Variants in BPIFB4 observed in about 807,000 individuals in gnomAD.
The protein encoded by BPIFB4 is BPI fold-containing family B member 4.
In BPIFB4, 62 loss-of-function variants were observed where a neutral mutation model predicts 69.2. The ratio of observed to expected loss-of-function variants is 0.90; its 90% confidence interval spans 0.73 to 1.11. The LOEUF is 1.11. Ranked by LOEUF, BPIFB4 falls within the 50% of genes least tolerant of loss-of-function variation. The pLI, the probability that BPIFB4 is intolerant of heterozygous loss-of-function variation, is 0.00. For missense variants in BPIFB4, 789 were observed against 792.0 expected, an observed-to-expected ratio of 1.00 and a Z score of 0.04; for synonymous variants, 330 against 332.7, an observed-to-expected ratio of 0.99 and a Z score of 0.09.
intron 7 of BPIFB4, 25 bp downstream of exon 7, chr20:33,086,189 G>A: frequency 6.3e-7 from 1 of 1,591,584 alleles, no homozygotes; most frequent in African/African-American, 1.3e-5. Context: ...GCAGTGGAGT[G>A]CCTTGGGGGT....
At chr20:33,091,933 G>A (rs1981611061) in intron 10 of BPIFB4, among the ~76,000 whole-genome samples, 1 of 152,212 alleles carries the variant, frequency 6.6e-6, no homozygotes, top group South Asian at 2.1e-4. Context: ...CTTGAGCTGA[G>A]AGCTGCCAGA....
intron 7 of BPIFB4, among the ~76,000 whole-genome samples, chr20:33,086,446 A>T (rs1000903859): frequency 3.3e-5 from 5 of 152,198 alleles, no homozygotes; most frequent in African/African-American, 1.2e-4. Context: ...TCCAGCTTTG[A>T]AAAGGTTTTG....
intron 14 of BPIFB4, 116 bp downstream of exon 14, chr20:33,100,609 G>C (rs1600561696): frequency 1.1e-6 from 1 of 916,588 alleles, no homozygotes. Flanking sequence ...AACCCAAGGG[G>C]CTGCAAAGGT....
At chr20:33,089,062 C>A in intron 8 of BPIFB4, 33 bp downstream of exon 8, 1 of 1,613,508 alleles carries the variant, frequency 6.2e-7, no homozygotes, top group Non-Finnish European at 8.5e-7. Context: ...GAGCAAGGGG[C>A]ACAGGCTTCC....
intron 5 of BPIFB4, 123 bp from the exon 6 acceptor site, chr20:33,084,769 T>G: frequency 6.9e-7 from 1 of 1,457,378 alleles, no homozygotes; most frequent in Non-Finnish European, 9.1e-7. Context: ...TGCAGGTGTC[T>G]AGTGTCTTTA....
intron 10 of BPIFB4, 67 bp downstream of exon 10, chr20:33,090,866 C>T: frequency 2.5e-6 from 4 of 1,585,028 alleles, no homozygotes; most frequent in Non-Finnish European, 3.4e-6. Context: ...ATCAGTGAGG[C>T]CCTCCCAGGG....
intron 6 of BPIFB4, 42 bp downstream of exon 6, chr20:33,085,038 G>T: frequency 6.3e-7 from 1 of 1,589,470 alleles, no homozygotes. Context: ...CCACCCTATG[G>T]CCCAACCTCT....
Position 33,106,381 on chromosome 20 carries a change from T to C in BPIFB4, c.1745-1363T>C, listed in dbSNP as rs1225169771. 2.0e-5 allele frequency among the ~76,000 whole-genome samples: 3 copies of C among 149,050 alleles called. No individual in the cohort carries two copies. The East Asian group carries it at 5.8e-4, about 29-fold the overall frequency. On this transcript the variant is annotated intron_variant, in intron 16 of 17. Transcript: ENST00000375483. ...GGGACACAGCTCTTTTCTTTCTTTT[T>C]TTTTTTTTTGAGATGGAGTCTCACT...
chr20:33,097,720 TG>T lies in BPIFB4; in HGVS notation c.1504del (p.Ala502ProfsTer38). 2 of 1,614,158 alleles carry T rather than the reference TG, an allele frequency of 1.2e-6. No homozygotes were observed. The highest frequency in any genetic ancestry group is 4.5e-5 in the East Asian group (2 of 44,878). ...LQKDKALVKV[L>X]ATAEVMVSQP... ...AAGGACAAAGCGCTGGTGAAGGTGT[TG>T]GCCACTGCCGAGGTCATGGTCTCCC... On this transcript the variant is annotated frameshift_variant, in exon 13 of 18. Transcript: ENST00000375483. LOFTEE classifies it high-confidence loss of function.
At chr20:33,093,970 C>A (rs1377252653) in intron 11 of BPIFB4, among the ~76,000 whole-genome samples, 1 of 152,214 alleles carries the variant, frequency 6.6e-6, no homozygotes, top group Admixed American at 6.5e-5. Context: ...GTCTGTCTAT[C>A]CATCTATCTT....
intron 7 of BPIFB4, among the ~76,000 whole-genome samples, chr20:33,086,435 T>A (rs1045460848): frequency 3.9e-5 from 6 of 152,216 alleles, no homozygotes; most frequent in African/African-American, 1.4e-4. Context: ...CACACATTCT[T>A]TCCAGCTTTG....
rs1294102477 is a variant in BPIFB4 at position 33,088,862 on chromosome 20, G to T, written c.927-104G>T. On this transcript the variant is annotated intron_variant, in intron 7 of 17. Coordinates refer to ENST00000375483, the MANE Select transcript of BPIFB4 (RefSeq NM_182519.3). ...TCGAACAGTTTTCCAGCACTCAGAG[G>T]TTCTCACTGTTCAGAGCCTGGACTA... is the stretch of plus-strand genomic sequence containing the variant. 1.0e-5 allele frequency: 16 copies of T among 1,574,004 alleles called. No individual in the cohort carries two copies. The Admixed American group carries it at 1.2e-4, about 12-fold the overall frequency.
chr20:33,100,631 A>C, intron 14 of BPIFB4, 138 bp downstream of exon 14: 2 of 696,130 alleles, frequency 2.9e-6, no homozygotes, highest in Non-Finnish European at 4.7e-6. Flanking sequence ...ACGATGGCTC[A>C]TGCCTACCAT....
At position 33,111,716 on chromosome 20, in the gene BPIFB4, T is replaced by G. The variant is rs888347987; in HGVS notation, c.*279T>G. 1.1e-5 allele frequency: 5 copies of G among 447,384 alleles called. No individual in the cohort carries two copies. Among genetic ancestry groups the G allele is most frequent in the African/African-American group, 9.7e-5 (5 of 51,746 alleles). The allele number at this position is 447,384 out of a possible 1,614,324, so 27.7% of individuals were successfully genotyped here. A position where few individuals can be genotyped will look rare whatever the true frequency, so the allele number is the denominator to read the frequency against. ...CCCCATCCTGACAGCAGGTTGAGTA[T>G]TCCCACTTTCAATAAAAGACTCCAC... On this transcript the variant is annotated 3_prime_UTR_variant, in exon 18 of 18. Transcript: ENST00000375483.
At chr20:33,087,526 C>T (rs1317580493) in intron 7 of BPIFB4, among the ~76,000 whole-genome samples, 1 of 152,212 alleles carries the variant, frequency 6.6e-6, no homozygotes, top group African/African-American at 2.4e-5. Context: ...TGAGCCATCT[C>T]TTATTTCGCT....
chr20:33,094,838 A>G (rs1332833552), intron 11 of BPIFB4, among the ~76,000 whole-genome samples: 1 of 152,150 alleles, frequency 6.6e-6, no homozygotes, highest in Non-Finnish European at 1.5e-5. Context: ...AGAAATATTC[A>G]GGTTTTGCCT....
intron 10 of BPIFB4, 71 bp downstream of exon 10, chr20:33,090,870 C>A: frequency 6.4e-7 from 1 of 1,569,818 alleles, no homozygotes; most frequent in South Asian, 1.1e-5. Flanking sequence ...GTGAGGCCCT[C>A]CCAGGGCTTC....
In BPIFB4 at chr20:33,092,670, C is replaced by G; in HGVS notation, c.1344+12C>G. 6.2e-7 allele frequency: 1 copy of G among 1,600,676 alleles called. No individual in the cohort carries two copies. Among genetic ancestry groups the G allele is most frequent in the South Asian group, 1.1e-5 (1 of 90,980 alleles). On this transcript the variant is annotated intron_variant, in intron 11 of 17. Transcript: ENST00000375483. ...TCACCAATGGCATGGTGAGTCACAG[C>G]CCCACCAGGGGGAGGTGGCTGGGCA...
Position 33,095,127 on chromosome 20 carries a change from G to A in BPIFB4, c.1372G>A (p.Ala458Thr). The A allele has an allele frequency of 6.2e-7, 1 of 1,613,062 alleles. No homozygotes were observed. Among genetic ancestry groups the A allele is most frequent in the Non-Finnish European group, 8.5e-7 (1 of 1,179,028 alleles). ...TGAAGAGCTTCCTCCACTTACCACA[G>A]CCACACTGGGAGCCCTGATCCCCAA... ...MFEELPPLTTATLGALIPKVF... is the reference protein window; with the variant it reads ...MFEELPPLTTTTLGALIPKVF... The change falls in exon 12 of 18, where the codon GCC becomes ACC. Residue 458 changes from alanine (A) to threonine (T), a missense_variant. Transcript: ENST00000375483.
Sources: gnomAD v4.1 joint callset for allele counts (sites outside exome capture counted in the v4.1 genomes callset) on GRCh38, gnomAD v4.1.1 for gene constraint, MANE v1.5 for transcripts, NCBI Gene and HGNC (gene_info 2026-07-23, HGNC 2026-07-21) for gene names.